Variants in LAMA1 observed in about 807,000 individuals in gnomAD.
The protein encoded by LAMA1 is laminin subunit alpha-1.
A neutral mutation model predicts 348.7 loss-of-function variants in LAMA1; 219 were observed. The observed-to-expected ratio is 0.63, with a 90% CI of 0.56 to 0.70. The LOEUF is 0.70. LAMA1 is among the 30% of genes least tolerant of loss of function. LAMA1 has a pLI of 0.00. For missense variants in LAMA1, 3,744 were observed against 3,888.0 expected (o/e 0.96, Z 0.99); for synonymous variants, 1,487 against 1,491.0 (o/e 1.00, Z 0.06).
At chr18:6,957,793 T>A (rs2057586900) in intron 55 of LAMA1, among the ~76,000 whole-genome samples, 1 of 152,104 alleles carries the variant, frequency 6.6e-6, no homozygotes, top group African/African-American at 2.4e-5. Context: ...TTCTTTTTTT[T>A]TCTGAGACAG....
chr18:6,995,389 C>T lies in LAMA1; in HGVS notation c.4864G>A (p.Val1622Ile), dbSNP rs891272376. The T allele has an allele frequency of 6.2e-7, 1 of 1,613,696 alleles. No homozygotes were observed. The highest frequency in any genetic ancestry group is 1.7e-5 in the Admixed American group (1 of 60,024). Residue 1622 changes from valine (V) to isoleucine (I), a missense_variant, in exon 34 of 63, where the codon GTT becomes ATT. This residue lies in a region of LAMA1 where 1,983 missense variants were observed against 1,934.3 expected (regional missense o/e 1.03). Coordinates refer to ENST00000389658, the MANE Select transcript of LAMA1 (RefSeq NM_005559.4). ...TGCAGGTTGTCCGTTTCTTCTGCAA[C>T]ACCTTCAAGCTTAATTTTTCCCAGG... ...KDLGKIKLEG[V>I]AEETDNLQKK...
chr18:6,981,629 T>A (rs2057712133), intron 41 of LAMA1, among the ~76,000 whole-genome samples: 1 of 152,158 alleles, frequency 6.6e-6, no homozygotes, highest in African/African-American at 2.4e-5. Context: ...ACATTATACA[T>A]TTTCGATACT....
intron 44 of LAMA1, 73 bp from the exon 45 acceptor site, chr18:6,976,153 G>T: frequency 1.4e-6 from 2 of 1,464,790 alleles, no homozygotes; most frequent in Non-Finnish European, 1.9e-6. Context: ...GCTCAACAAT[G>T]CTATTCTGTA....
At position 6,958,639 on chromosome 18, in the gene LAMA1, T is replaced by C; in HGVS notation, c.7802A>G (p.Glu2601Gly). 1.2e-6 allele frequency: 2 copies of C among 1,614,104 alleles called. No individual in the cohort carries two copies. Residue 2601 changes from glutamate to glycine, a missense_variant, in exon 55 of 63, where the codon GAG (glutamate) becomes GGG (glycine). Glu to Gly is a moderately conservative substitution (Grantham distance 98). Transcript: ENST00000389658. ...CAACTTCATTTCCACAGGATTGTTC[T>C]CATCCAATTGGACAGTGATAATTCT... ...NRRIITVQLDENNPVEMKLGT... is the reference protein window; with the variant it reads ...NRRIITVQLDGNNPVEMKLGT...
At chr18:6,947,405 G>C in intron 60 of LAMA1, 109 bp from the exon 61 acceptor site, 3 of 1,323,138 alleles carry the variant, frequency 2.3e-6, no homozygotes, top group Non-Finnish European at 2.1e-6. Context: ...TCCTCCTTTG[G>C]ATCCAGCTGC....
chr18:6,949,877 A>G (rs958177325), intron 58 of LAMA1, among the ~76,000 whole-genome samples: 1 of 152,208 alleles, frequency 6.6e-6, no homozygotes, highest in Non-Finnish European at 1.5e-5. Flanking sequence ...ATAAACTCTA[A>G]CCAGCCATTG....
At chr18:7,024,802 G>A (rs1447486825) in intron 17 of LAMA1, among the ~76,000 whole-genome samples, 3 of 152,184 alleles carry the variant, frequency 2.0e-5, no homozygotes, top group Non-Finnish European at 4.4e-5. Flanking sequence ...TCCTCCAGGA[G>A]GCCTGCTCGG....
intron 3 of LAMA1, among the ~76,000 whole-genome samples, chr18:7,071,332 T>A (rs995623517): frequency 1.2e-4 from 18 of 152,304 alleles, no homozygotes; most frequent in African/African-American, 4.1e-4. Flanking sequence ...TGAAATAACA[T>A]GGACGAGGAA....
At chr18:7,091,641 T>C (rs1358436871) in intron 1 of LAMA1, among the ~76,000 whole-genome samples, 1 of 152,248 alleles carries the variant, frequency 6.6e-6, no homozygotes, top group African/African-American at 2.4e-5. Flanking sequence ...TCGCGGGGCA[T>C]GTGCTGAGGA....
At chr18:7,010,944 G>A (rs1260864983) in intron 25 of LAMA1, among the ~76,000 whole-genome samples, 1 of 152,106 alleles carries the variant, frequency 6.6e-6, no homozygotes, top group African/African-American at 2.4e-5. Context: ...CCACATATAC[G>A]ACCATGGTCT....
chr18:7,014,200 C>T (rs2057874847), intron 22 of LAMA1, 149 bp from the exon 23 acceptor site: 2 of 740,672 alleles, frequency 2.7e-6, no homozygotes, highest in Non-Finnish European at 4.7e-6. Context: ...ATTCACGTTG[C>T]CATGTGCCAA....
In LAMA1 at chr18:7,049,191, T is replaced by C; in HGVS notation, c.655A>G (p.Thr219Ala). Reference sequence around the variant, plus strand: ...CGAAGGCGAATATATCGTGCAGAAGTGAATTCCAACAACTTGGGTGAAAGA... The same window carrying C: ...CGAAGGCGAATATATCGTGCAGAAGCGAATTCCAACAACTTGGGTGAAAGA... ...DDLSPKLLEF[T>A]SARYIRLRLQ... The change falls in exon 5 of 63, where the codon ACT becomes GCT. Residue 219 changes from threonine to alanine, a missense_variant. By Grantham distance (58) the Thr-to-Ala change is moderately conservative. Transcript: ENST00000389658. 1.2e-6 allele frequency: 2 copies of C among 1,614,196 alleles called. No individual in the cohort carries two copies. Among genetic ancestry groups the C allele is most frequent in the Non-Finnish European group, 1.7e-6 (2 of 1,180,024 alleles).
chr18:7,011,620 T>C, intron 24 of LAMA1, 141 bp from the exon 25 acceptor site: 1 of 935,158 alleles, frequency 1.1e-6, no homozygotes, highest in Non-Finnish European at 1.7e-6. Context: ...TCCTTTAAAC[T>C]AAACATCTGG....
rs1435666645 is a variant in LAMA1 at position 7,080,409 on chromosome 18, G to A, written c.110C>T (p.Thr37Ile). 2 of 1,614,236 alleles carry A rather than the reference G, an allele frequency of 1.2e-6. No homozygotes were observed. Among genetic ancestry groups the A allele is most frequent in the South Asian group, 1.1e-5 (1 of 91,082 alleles). The change falls in exon 2 of 63, where the codon ACC becomes ATC. Residue 37 changes from threonine (T) to isoleucine (I), a missense_variant. By Grantham distance (89) the Thr-to-Ile change is moderately conservative. Around this residue, in one of 3 missense-constraint regions of LAMA1, gnomAD observed 1,529 missense variants for 1,689.4 expected, o/e 0.91. Transcript: ENST00000389658. The stretch of plus-strand genomic sequence containing the variant: ...CCCCTTCTCGCCACAGGTGGCATTG[G>A]TGCTGATGTGAGCATTGCTGGCAAG... ...LNLASNAHIS[T>I]NATCGEKGPE...
chr18:7,090,362 TA>T (rs1301708610), intron 1 of LAMA1, among the ~76,000 whole-genome samples: 1 of 152,154 alleles, frequency 6.6e-6, no homozygotes, highest in Non-Finnish European at 1.5e-5. Flanking sequence ...AACCAGTAGT[TA>T]TTTTATGACT....
At chr18:6,991,389 C>CTTT (rs34001050) in intron 36 of LAMA1, among the ~76,000 whole-genome samples, 103 of 118,384 alleles carry the variant, frequency 8.7e-4, no homozygotes, top group Non-Finnish European at 1.2e-3. Flanking sequence ...ACTTCTTCTT[C>CTTT]TTTTTTTTTT....
intron 47 of LAMA1, among the ~76,000 whole-genome samples, chr18:6,972,378 TA>T (rs1487728852): frequency 6.6e-6 from 1 of 152,172 alleles, no homozygotes; most frequent in Non-Finnish European, 1.5e-5. Context: ...ACTGATATAA[TA>T]AAATAAATAT....
At chr18:7,100,030 G>A (rs1422142508) in intron 1 of LAMA1, among the ~76,000 whole-genome samples, 1 of 136,122 alleles carries the variant, frequency 7.3e-6, no homozygotes, top group Non-Finnish European at 1.5e-5. Context: ...CTGCATTCCA[G>A]CCTGGGCAAC....
At chr18:6,970,944 G>C (rs1990051247) in intron 48 of LAMA1, among the ~76,000 whole-genome samples, 1 of 152,110 alleles carries the variant, frequency 6.6e-6, no homozygotes, top group Non-Finnish European at 1.5e-5. Flanking sequence ...CGAAGGAAGG[G>C]GAAAAGAGAA....
Sources: allele counts gnomAD v4.1 joint callset (sites outside exome capture counted in the v4.1 genomes callset), GRCh38; gene constraint gnomAD v4.1.1; regional missense constraint gnomAD v4.1.1; transcripts MANE v1.5; gene names NCBI Gene and HGNC (gene_info 2026-07-23, HGNC 2026-07-21).